LRFN5: variants seen among roughly 807,000 people sequenced by gnomAD.
The protein encoded by LRFN5 is leucine rich repeat and fibronectin type III domain containing 5.
Under a neutral mutation model 45.6 loss-of-function variants are expected in LRFN5, and 24 were observed. That is an observed-to-expected ratio of 0.53 (90% CI 0.38 to 0.74). The LOEUF is 0.74. Ranked by LOEUF, LRFN5 falls within the 30% of genes least tolerant of loss-of-function variation. The probability of loss-of-function intolerance (pLI) is 0.00; values close to 1 mark genes in which losing one functional copy is unlikely to be tolerated. For synonymous variants in LRFN5, 340 were observed against 313.8 expected (o/e 1.08, Z -0.88); for missense variants, 776 against 861.5 (o/e 0.90, Z 1.24).
chr14:41,688,942 A>G (rs981884947), intron 1 of LRFN5, among the ~76,000 whole-genome samples: 2 of 150,544 alleles, frequency 1.3e-5, no homozygotes, highest in African/African-American at 4.9e-5. Context: ...AAAAGAAAAA[A>G]GCTGGGTGTT....
intron 2 of LRFN5, among the ~76,000 whole-genome samples, chr14:41,875,549 T>C (rs1019014684): frequency 1.3e-5 from 2 of 152,244 alleles, no homozygotes; most frequent in Non-Finnish European, 2.9e-5. Flanking sequence ...AATTAAAGAA[T>C]ACTGAGATTT....
At chr14:41,699,087 A>AT (rs967116162) in intron 1 of LRFN5, among the ~76,000 whole-genome samples, 12 of 151,994 alleles carry the variant, frequency 7.9e-5, no homozygotes, top group African/African-American at 1.4e-4. Context: ...GACTTGTAGA[A>AT]TTTTTTTTCA....
In LRFN5 at chr14:41,606,964, G is replaced by A. The variant is rs1263910564; in HGVS notation, c.-1795G>A. Reference sequence around the variant, plus strand: ...TTGCCCACACGCGACGCTTTGGGAAGCCCAGCTCCCGGGTCCGCCCCGGCC... The same window carrying A: ...TTGCCCACACGCGACGCTTTGGGAAACCCAGCTCCCGGGTCCGCCCCGGCC... On this transcript the variant is annotated 5_prime_UTR_variant, in exon 1 of 6. Transcript: ENST00000298119. 1.3e-5 allele frequency among the ~76,000 whole-genome samples: 2 copies of A among 151,948 alleles called. No individual in the cohort carries two copies. Among genetic ancestry groups the A allele is most frequent in the Non-Finnish European group, 2.9e-5 (2 of 67,956 alleles).
chr14:41,618,484 C>G (rs1256334891), intron 1 of LRFN5, among the ~76,000 whole-genome samples: 4 of 152,186 alleles, frequency 2.6e-5, no homozygotes, highest in Non-Finnish European at 5.9e-5. Context: ...GGTGGCCTGG[C>G]TAACAGCCAG....
chr14:41,715,522 T>C (rs1424694608), intron 1 of LRFN5, among the ~76,000 whole-genome samples: 3 of 152,206 alleles, frequency 2.0e-5, no homozygotes, highest in African/African-American at 4.8e-5. Flanking sequence ...GGACACTTTT[T>C]TCAGAAGCAA....
At chr14:41,830,198 T>C (rs1888432826) in intron 2 of LRFN5, among the ~76,000 whole-genome samples, 1 of 151,894 alleles carries the variant, frequency 6.6e-6, no homozygotes, top group Non-Finnish European at 1.5e-5. Flanking sequence ...CTGTCTTTTT[T>C]CAATTGTAGT....
At chr14:41,699,547 A>G (rs1252960183) in intron 1 of LRFN5, 1 of 152,146 alleles carries the variant, frequency 6.6e-6, no homozygotes, top group Non-Finnish European at 1.5e-5. Flanking sequence ...CTCTCTAAAA[A>G]GATTAATAGA....
chr14:41,894,954 T>G, intron 4 of LRFN5: 1 of 980,290 alleles, frequency 1.0e-6, no homozygotes, highest in Non-Finnish European at 1.2e-6. Context: ...TCTGACTATA[T>G]GAAGATTATA....
At chr14:41,640,234 G>C (rs1445866350) in intron 1 of LRFN5, among the ~76,000 whole-genome samples, 4 of 151,988 alleles carry the variant, frequency 2.6e-5, no homozygotes, top group Non-Finnish European at 4.4e-5. Context: ...TTGTCAATAT[G>C]AATTTATAGG....
At chr14:41,794,513 T>G (rs73319026) in intron 2 of LRFN5, among the ~76,000 whole-genome samples, 1,701 of 152,128 alleles carry the variant, frequency 0.011, 29 homozygotes, top group African/African-American at 0.039. Flanking sequence ...ATTGTAAGAG[T>G]TGCTCTATTT....
At chr14:41,893,414 G>T (rs374570152) in intron 4 of LRFN5, 9 of 984,934 alleles carry the variant, frequency 9.1e-6, no homozygotes, top group East Asian at 1.1e-4. Context: ...TGAGAATAAG[G>T]CTCACCTGAG....
At chr14:41,893,445 C>T in intron 4 of LRFN5, 1 of 984,936 alleles carries the variant, frequency 1.0e-6, no homozygotes, top group Non-Finnish European at 1.2e-6. Context: ...TTGCTTTGCA[C>T]AAAAGAAATG....
At chr14:41,793,724 G>C (rs753286506) in intron 2 of LRFN5, among the ~76,000 whole-genome samples, 2 of 151,772 alleles carry the variant, frequency 1.3e-5, no homozygotes, top group Non-Finnish European at 2.9e-5. Context: ...GAACTAAATA[G>C]TCACACTGCC....
In LRFN5 at chr14:41,626,810, C is replaced by T. The variant is rs542744583; in HGVS notation, c.-197+18248C>T. On this transcript the variant is annotated intron_variant, in intron 1 of 5. Coordinates refer to ENST00000298119, the MANE Select transcript of LRFN5 (RefSeq NM_152447.5). ...TACTCTGATGTATTAGACAAAGAAACGAAAAGGTTAATAGGTTCTGCTAAG... is the reference window on the plus strand; with the variant it reads ...TACTCTGATGTATTAGACAAAGAAATGAAAAGGTTAATAGGTTCTGCTAAG... Among the ~76,000 whole-genome samples the T allele has an allele frequency of 6.6e-5, 10 of 151,780 alleles. No individual in the cohort carries two copies. In the South Asian group the frequency reaches 1.0e-3, roughly 16 times the overall value.
intron 2 of LRFN5, among the ~76,000 whole-genome samples, chr14:41,876,488 G>C (rs1890194996): frequency 6.6e-6 from 1 of 150,686 alleles, no homozygotes; most frequent in Non-Finnish European, 1.5e-5. Context: ...AGTAGAGATG[G>C]GGTTTCTCCG....
intron 1 of LRFN5, among the ~76,000 whole-genome samples, chr14:41,665,905 A>G (rs1329337355): frequency 1.3e-5 from 2 of 152,028 alleles, no homozygotes; most frequent in East Asian, 1.9e-4. Context: ...TTTATGTTCA[A>G]TTATGACTGA....
At chr14:41,843,393 T>C (rs566788285) in intron 2 of LRFN5, among the ~76,000 whole-genome samples, 1 of 152,294 alleles carries the variant, frequency 6.6e-6, no homozygotes, top group South Asian at 2.1e-4. Flanking sequence ...ACATTCTTAA[T>C]GATATCCTTC....
intron 1 of LRFN5, among the ~76,000 whole-genome samples, chr14:41,678,996 G>A (rs552554560): frequency 3.9e-5 from 6 of 152,068 alleles, no homozygotes; most frequent in East Asian, 1.9e-4. Flanking sequence ...GTGCTTCTCC[G>A]TCACAGCAGG....
At chr14:41,690,258 T>C (rs75685772) in intron 1 of LRFN5, among the ~76,000 whole-genome samples, 1 of 151,798 alleles carries the variant, frequency 6.6e-6, no homozygotes, top group Admixed American at 6.6e-5. Context: ...AATAAAGAAA[T>C]AAACATTTTG....
Sources: gnomAD v4.1 joint callset for allele counts (sites outside exome capture counted in the v4.1 genomes callset) on GRCh38, gnomAD v4.1.1 for gene constraint, MANE v1.5 for transcripts, NCBI Gene and HGNC (gene_info 2026-07-23, HGNC 2026-07-21) for gene names.